NTM: variants seen among roughly 807,000 people sequenced by gnomAD.
The protein encoded by NTM is IgLON family member 2.
NTM carries 13 observed loss-of-function variants against 42.1 expected under a neutral mutation model. The ratio of observed to expected loss-of-function variants is 0.31; its 90% CI spans 0.20 to 0.49. The LOEUF is 0.49. Among genes scored for constraint, NTM ranks in the 20% least tolerant of loss-of-function variants. The pLI, the probability that NTM is intolerant of heterozygous loss-of-function variation, is 0.99. For synonymous variants in NTM, 187 were observed against 179.2 expected, an observed-to-expected ratio of 1.04 and a Z score of -0.35; for missense variants, 373 against 452.8, an observed-to-expected ratio of 0.82 and a Z score of 1.60.
chr11:132,161,718 G>A (rs1312111981), intron 3 of NTM, among the ~76,000 whole-genome samples: 1 of 151,850 alleles, frequency 6.6e-6, no homozygotes, highest in African/African-American at 2.4e-5. Flanking sequence ...TTCCCCGTGC[G>A]CAGCCCTGTG....
chr11:131,935,869 T>G (rs2059155158), intron 2 of NTM, among the ~76,000 whole-genome samples: 1 of 152,210 alleles, frequency 6.6e-6, no homozygotes, highest in African/African-American at 2.4e-5. Context: ...AAATCTCACT[T>G]TTTAATAAAA....
chr11:131,641,136 C>T (rs1299983011), intron 1 of NTM, among the ~76,000 whole-genome samples: 1 of 152,150 alleles, frequency 6.6e-6, no homozygotes, highest in Non-Finnish European at 1.5e-5. Context: ...TCTGGTCAGA[C>T]TTGCATTCTT....
At position 132,283,090 on chromosome 11, in the gene NTM, G is replaced by A. The variant is rs369067544; in HGVS notation, c.527-24599G>A. The stretch of plus-strand genomic sequence containing the variant: ...CAACCTTCGCCTCCTGGGTTCAAGC[G>A]ATTCTCCTGCCTCAGCCTCCTGAGT... On this transcript the variant is annotated intron_variant, in intron 4 of 8. Coordinates refer to ENST00000683400, the MANE Select transcript of NTM (RefSeq NM_001352005.2). Among the ~76,000 whole-genome samples the A allele has an allele frequency of 9.2e-4, 138 of 149,210 alleles. No individual in the cohort carries two copies. The East Asian group carries it at 0.012, about 13-fold the overall frequency.
chr11:132,105,322 T>G (rs1192504657), intron 2 of NTM, among the ~76,000 whole-genome samples: 1 of 151,980 alleles, frequency 6.6e-6, no homozygotes, highest in Non-Finnish European at 1.5e-5. Context: ...TGTGGAACAC[T>G]GGTAGGTTCA....
At chr11:132,256,534 C>T (rs2092483413) in intron 4 of NTM, among the ~76,000 whole-genome samples, 1 of 152,202 alleles carries the variant, frequency 6.6e-6, no homozygotes, top group African/African-American at 2.4e-5. Context: ...ATTCTCTGTG[C>T]TCTTCCTCTC....
At chr11:131,587,626 A>G (rs2058990927) in intron 1 of NTM, among the ~76,000 whole-genome samples, 1 of 152,174 alleles carries the variant, frequency 6.6e-6, no homozygotes, top group African/African-American at 2.4e-5. Flanking sequence ...ACTATATTAT[A>G]TATTTTTTAA....
At chr11:131,873,158 T>C (rs2047974434) in intron 1 of NTM, among the ~76,000 whole-genome samples, 1 of 152,142 alleles carries the variant, frequency 6.6e-6, no homozygotes, top group Non-Finnish European at 1.5e-5. Context: ...GTGGCACATA[T>C]ACACCATGGA....
At chr11:131,512,495 G>A (rs1565584767) in intron 1 of NTM, among the ~76,000 whole-genome samples, 1 of 152,110 alleles carries the variant, frequency 6.6e-6, no homozygotes, top group African/African-American at 2.4e-5. Context: ...CCACAGCTGG[G>A]TGCCTCCTGG....
At chr11:132,210,826 CATAAT>C (rs1373903134) in intron 3 of NTM, among the ~76,000 whole-genome samples, 1 of 152,188 alleles carries the variant, frequency 6.6e-6, no homozygotes, top group East Asian at 1.9e-4. Flanking sequence ...AGGAGCACAA[CATAAT>C]ATAAGCTTCA....
intron 1 of NTM, among the ~76,000 whole-genome samples, chr11:131,395,253 GT>G (rs1944422056): frequency 6.6e-6 from 1 of 152,182 alleles, no homozygotes; most frequent in Admixed American, 6.5e-5. Context: ...TTCAGTTGAA[GT>G]CCCCAAGGAA....
intron 4 of NTM, among the ~76,000 whole-genome samples, chr11:132,303,729 A>AC: frequency 6.9e-6 from 1 of 145,824 alleles, no homozygotes; most frequent in Non-Finnish European, 1.5e-5. Flanking sequence ...AAAAAAAAAA[A>AC]AACAATCTGT....
intron 3 of NTM, among the ~76,000 whole-genome samples, chr11:132,152,747 T>C (rs2072231507): frequency 6.6e-6 from 1 of 152,192 alleles, no homozygotes; most frequent in African/African-American, 2.4e-5. Flanking sequence ...CTAGAGCACA[T>C]TTCAGTAAAC....
chr11:131,378,527 T>C (rs760285594), intron 1 of NTM, among the ~76,000 whole-genome samples: 1 of 152,152 alleles, frequency 6.6e-6, no homozygotes, highest in Non-Finnish European at 1.5e-5. Context: ...CTCATATATA[T>C]GATGTTGTGT....
At chr11:132,125,709 GT>G (rs2136994363) in intron 2 of NTM, among the ~76,000 whole-genome samples, 1 of 438 alleles carries the variant, frequency 2.3e-3, no homozygotes. Context: ...AGTGTGGTGT[GT>G]AGTGTGTGGT....
In NTM at chr11:131,447,841, G is replaced by A. The variant is rs186842370; in HGVS notation, c.82+76953G>A. ...GGCCTCCAGCACAGAGGCCTGAACC[G>A]CAGCCGCCATCATGCACCGCAGATG... On this transcript the variant is annotated intron_variant, in intron 1 of 8. Transcript: ENST00000683400. Among the ~76,000 whole-genome samples the A allele has an allele frequency of 3.9e-5, 6 of 152,264 alleles. No homozygotes were observed. The East Asian group carries it at 1.2e-3, about 30-fold the overall frequency.
At chr11:131,517,106 G>C (rs1319431454) in intron 1 of NTM, among the ~76,000 whole-genome samples, 4 of 152,166 alleles carry the variant, frequency 2.6e-5, no homozygotes, top group African/African-American at 9.7e-5. Context: ...AATCTTTTTG[G>C]TGTGATCACA....
At chr11:131,538,722 GT>G (rs1485418474) in intron 1 of NTM, 1 of 152,262 alleles carries the variant, frequency 6.6e-6, no homozygotes, top group Non-Finnish European at 1.5e-5. Flanking sequence ...CTAGTTGTTT[GT>G]TAAAGGGCAA....
intron 3 of NTM, among the ~76,000 whole-genome samples, chr11:132,166,033 T>A (rs577429474): frequency 1.3e-5 from 2 of 152,196 alleles, no homozygotes; most frequent in Admixed American, 6.5e-5. Flanking sequence ...GTGTTGAAAA[T>A]TTTCACCTAA....
chr11:132,323,405 C>T (rs1224235042), intron 7 of NTM, among the ~76,000 whole-genome samples: 2 of 151,754 alleles, frequency 1.3e-5, no homozygotes, highest in Non-Finnish European at 2.9e-5. Context: ...CACCTCTATG[C>T]AAATAAACTA....
Sources: gnomAD v4.1 joint callset for allele counts (sites outside exome capture counted in the v4.1 genomes callset) on GRCh38, gnomAD v4.1.1 for gene constraint, MANE v1.5 for transcripts, NCBI Gene and HGNC (gene_info 2026-07-23, HGNC 2026-07-21) for gene names.